Variants in KANSL1L observed in about 807,000 individuals in gnomAD.
The protein encoded by KANSL1L is KAT8 regulatory NSL complex subunit 1-like protein.
A neutral mutation model predicts 108.6 loss-of-function variants in KANSL1L; 25 were observed. That is an observed-to-expected ratio of 0.23 (90% CI 0.17 to 0.32). The LOEUF (loss-of-function observed/expected upper bound fraction) is 0.32, where lower values mean the gene tolerates loss of function less well. Ranked by LOEUF, KANSL1L falls within the 10% of genes least tolerant of loss-of-function variation. KANSL1L has a pLI of 1.00. For missense variants in KANSL1L, 1,137 were observed against 1,125.7 expected, an observed-to-expected ratio of 1.01 and a Z score of -0.14; for synonymous variants, 405 against 395.1, an observed-to-expected ratio of 1.03 and a Z score of -0.30.
intron 8 of KANSL1L, among the ~76,000 whole-genome samples, chr2:210,033,267 C>A (rs1307047236): frequency 6.6e-6 from 1 of 152,112 alleles, no homozygotes; most frequent in African/African-American, 2.4e-5. Flanking sequence ...GATGATAATA[C>A]CCTGAAAGTT....
intron 3 of KANSL1L, among the ~76,000 whole-genome samples, chr2:210,111,192 T>A (rs557822326): frequency 2.7e-5 from 4 of 150,530 alleles, no homozygotes; most frequent in African/African-American, 9.7e-5. Context: ...TATAGATGAA[T>A]ATATATAGCA....
At chr2:210,091,157 C>G (rs1335075835) in intron 5 of KANSL1L, among the ~76,000 whole-genome samples, 1 of 152,154 alleles carries the variant, frequency 6.6e-6, no homozygotes, top group Non-Finnish European at 1.5e-5. Flanking sequence ...CAGTACCCAT[C>G]ACCAAATTTT....
At chr2:210,025,075 TG>T in intron 13 of KANSL1L, 28 bp downstream of exon 13, 1 of 1,366,538 alleles carries the variant, frequency 7.3e-7, no homozygotes, top group Non-Finnish European at 1.0e-6. Context: ...ATGGATTCTA[TG>T]GCTTGGGGTT....
chr2:210,105,028 T>C lies in KANSL1L; in HGVS notation c.1231-727A>G, dbSNP rs542908327. 2.0e-5 allele frequency among the ~76,000 whole-genome samples: 3 copies of C among 152,234 alleles called. No individual in the cohort carries two copies. The South Asian group carries it at 6.2e-4, about 32-fold the overall frequency. ...TCTGCCTCCTACTCACAAACATACTTATTCCTCAACTGGTTTGCTCGGCTT... is the reference window on the plus strand; with the variant it reads ...TCTGCCTCCTACTCACAAACATACTCATTCCTCAACTGGTTTGCTCGGCTT... On this transcript the variant is annotated intron_variant, in intron 3 of 14. Transcript: ENST00000281772.
In KANSL1L at chr2:210,044,119, C is replaced by G. The variant is rs766756182; in HGVS notation, c.1756-15G>C. The G allele has an allele frequency of 2.6e-6, 4 of 1,557,378 alleles. No individual in the cohort carries two copies. The highest frequency in any genetic ancestry group is 3.5e-6 in the Non-Finnish European group (4 of 1,150,666). ...GAAGGCAAAGTCTGCAAGGAAAAAC[C>G]GTATTAGAATATCACAGCCAAAGCA... On this transcript the variant is annotated splice_polypyrimidine_tract_variant and intron_variant, in intron 6 of 14. Coordinates refer to ENST00000281772, the MANE Select transcript of KANSL1L (RefSeq NM_152519.4). This position sits in a 1 kb window ranked among gnomAD's most constrained non-coding sequence, Gnocchi z 4.2.
In KANSL1L at chr2:210,154,354, A is replaced by C; in HGVS notation, c.229T>G (p.Tyr77Asp). ...GATCTCATTAAAAAAACAGTCTGGT[A>C]ATGTTTTGAAGACTGAGGGGAGCCA... ...HFGSPQSSKHYQTVFLMRSNS... is the reference protein window; with the variant it reads ...HFGSPQSSKHDQTVFLMRSNS... The change falls in exon 2 of 15, where the codon TAC becomes GAC. Residue 77 changes from tyrosine to aspartate, a missense_variant. Coordinates refer to ENST00000281772, the MANE Select transcript of KANSL1L (RefSeq NM_152519.4). 1 of 1,612,088 alleles carries C rather than the reference A, an allele frequency of 6.2e-7. No individual in the cohort carries two copies. The highest frequency in any genetic ancestry group is 8.5e-7 in the Non-Finnish European group (1 of 1,179,404).
At chr2:210,145,463 G>C (rs760783589) in intron 2 of KANSL1L, among the ~76,000 whole-genome samples, 10 of 152,128 alleles carry the variant, frequency 6.6e-5, no homozygotes, top group African/African-American at 2.2e-4. Flanking sequence ...GATCAGCCAG[G>C]GGGCTGAGAT....
At chr2:210,107,081 C>G (rs2094854230) in intron 3 of KANSL1L, among the ~76,000 whole-genome samples, 1 of 152,054 alleles carries the variant, frequency 6.6e-6, no homozygotes, top group African/African-American at 2.4e-5. Context: ...AGTCAAAACT[C>G]TAGCATAAGA....
chr2:210,087,358 GA>G lies in KANSL1L; in HGVS notation c.1550+10727del, dbSNP rs571842524. Among the ~76,000 whole-genome samples the G allele has an allele frequency of 1.4e-4, 21 of 152,124 alleles. No individual in the cohort carries two copies. In the East Asian group the frequency reaches 4.1e-3, roughly 29 times the overall value. ...TTTAAGAGAGGCCTTCTCTCTTACA[GA>G]TTTTTTTAAATATCTCTTATTACAG... On this transcript the variant is annotated intron_variant, in intron 5 of 14. Coordinates refer to ENST00000281772, the MANE Select transcript of KANSL1L (RefSeq NM_152519.4).
intron 6 of KANSL1L, among the ~76,000 whole-genome samples, chr2:210,071,560 T>C (rs1264376065): frequency 6.6e-6 from 1 of 152,182 alleles, no homozygotes; most frequent in Non-Finnish European, 1.5e-5. Context: ...TGAGCTGCCA[T>C]GCCCGACCAA....
chr2:210,035,731 A>G (rs780337208), intron 8 of KANSL1L, among the ~76,000 whole-genome samples: 4 of 152,142 alleles, frequency 2.6e-5, no homozygotes, highest in Non-Finnish European at 5.9e-5. Context: ...CACCTGCCTC[A>G]GCCTCCCAAA....
intron 14 of KANSL1L, 133 bp downstream of exon 14, chr2:210,023,900 C>T (rs549205968): frequency 9.0e-4 from 480 of 534,594 alleles, no homozygotes; most frequent in Middle Eastern, 1.5e-3. Flanking sequence ...TGCTGCAATA[C>T]AGATCTTCTA....
chr2:210,100,611 A>T (rs573458378), intron 4 of KANSL1L, among the ~76,000 whole-genome samples: 1 of 152,226 alleles, frequency 6.6e-6, no homozygotes, highest in East Asian at 1.9e-4. Context: ...CCTACCACTT[A>T]ACTCACTCCT....
chr2:210,099,014 C>T (rs1221625227), intron 4 of KANSL1L, among the ~76,000 whole-genome samples: 4 of 151,970 alleles, frequency 2.6e-5, no homozygotes, highest in South Asian at 2.1e-4. Context: ...CTGTAATCCA[C>T]GTTCATCATA....
At chr2:210,080,031 G>C (rs10167148) in intron 5 of KANSL1L, 142,944 of 151,364 alleles carry the variant, frequency 0.94, 68,034 homozygotes, top group East Asian at 1. Flanking sequence ...AGCCTTGAAA[G>C]TGGTCTCCCT....
chr2:210,040,312 A>G (rs926143724), intron 8 of KANSL1L, 108 bp downstream of exon 8: 9 of 662,138 alleles, frequency 1.4e-5, no homozygotes, highest in African/African-American at 9.4e-5. Context: ...AAAATTAAGG[A>G]TTTTCATGTA....
At chr2:210,100,935 G>C (rs1436264879) in intron 4 of KANSL1L, among the ~76,000 whole-genome samples, 1 of 152,158 alleles carries the variant, frequency 6.6e-6, no homozygotes, top group African/African-American at 2.4e-5. Context: ...ACCATGCCCG[G>C]CCACCAAGTA....
chr2:210,114,717 A>G (rs560841713), intron 3 of KANSL1L, among the ~76,000 whole-genome samples: 1 of 152,202 alleles, frequency 6.6e-6, no homozygotes, highest in African/African-American at 2.4e-5. Flanking sequence ...TTAAGAAACT[A>G]ATATATTTAA....
chr2:210,080,720 T>C (rs1422704911), intron 5 of KANSL1L, among the ~76,000 whole-genome samples: 1 of 152,180 alleles, frequency 6.6e-6, no homozygotes, highest in Non-Finnish European at 1.5e-5. Context: ...GTAATCAATG[T>C]TACTTTTGTA....
Sources: gnomAD v4.1 joint callset for allele counts (sites outside exome capture counted in the v4.1 genomes callset) on GRCh38, gnomAD v4.1.1 for gene constraint, Gnocchi (gnomAD v3.1) non-coding constraint, MANE v1.5 for transcripts, NCBI Gene and HGNC (gene_info 2026-07-23, HGNC 2026-07-21) for gene names.